The following SKA2 variants were observed in gnomAD, a reference collection of about 807,000 sequenced individuals.
SKA2 encodes the protein spindle and kinetochore associated complex subunit 2, also known as spindle and kinetochore-associated protein 2.
A neutral mutation model predicts 16.9 loss-of-function variants in SKA2; 13 were observed. That is an observed-to-expected ratio of 0.77 (90% confidence interval 0.50 to 1.22). The LOEUF is 1.22. Among genes scored for constraint, SKA2 ranks in the 50% most tolerant of loss-of-function variants. The pLI is 0.00. For missense variants in SKA2, 107 were observed against 139.7 expected, an observed-to-expected ratio of 0.77 and a Z score of 1.18; for synonymous variants, 47 against 48.5, an observed-to-expected ratio of 0.97 and a Z score of 0.13.
intron 1 of SKA2, among the ~76,000 whole-genome samples, chr17:59,135,087 G>A (rs1367088374): frequency 7.9e-5 from 12 of 151,872 alleles, no homozygotes; most frequent in African/African-American, 1.5e-4. Context: ...GGCCTGCCTC[G>A]GCCTCCCAAA....
intron 1 of SKA2, among the ~76,000 whole-genome samples, chr17:59,141,035 G>A (rs942131522): frequency 1.3e-5 from 2 of 151,532 alleles, no homozygotes; most frequent in East Asian, 3.9e-4. Flanking sequence ...GACTTTAAGC[G>A]ATCCTCCCGC....
At chr17:59,154,523 G>A (rs989590008) in intron 1 of SKA2, among the ~76,000 whole-genome samples, 1 of 152,212 alleles carries the variant, frequency 6.6e-6, no homozygotes, top group African/African-American at 2.4e-5. Flanking sequence ...GGAGCTCGTG[G>A]TTACGATCCC....
intron 3 of SKA2, among the ~76,000 whole-genome samples, chr17:59,112,857 T>C (rs1367918343): frequency 1.3e-5 from 2 of 152,068 alleles, no homozygotes; most frequent in Non-Finnish European, 2.9e-5. Context: ...GAATAAATGA[T>C]AAGGAAAAAA....
chr17:59,119,400 T>C lies in SKA2; in HGVS notation c.216A>G (p.Lys72=), dbSNP rs1421713125. ...ARFKPVAVEQ[K]ESKSRICATV... ...TAGCACAAATGCGGCTCTTACTCTC[T>C]TTCTGCTCAACAGCAACTGGTTTAA... The change falls in exon 3 of 4, where the codon AAA becomes AAG. Residue 72 remains lysine (K), a synonymous_variant. Coordinates refer to ENST00000330137, the MANE Select transcript of SKA2 (RefSeq NM_182620.4). 1 of 1,614,026 alleles carries C rather than the reference T, an allele frequency of 6.2e-7. No homozygotes were observed. Among genetic ancestry groups the C allele is most frequent in the Non-Finnish European group, 8.5e-7 (1 of 1,179,888 alleles).
At chr17:59,153,483 A>G (rs1218225622) in intron 1 of SKA2, among the ~76,000 whole-genome samples, 3 of 152,246 alleles carry the variant, frequency 2.0e-5, no homozygotes, top group African/African-American at 7.2e-5. Context: ...TGCTAAAAGT[A>G]ATTGAAAGCC....
chr17:59,145,914 C>T (rs945445247), intron 1 of SKA2, among the ~76,000 whole-genome samples: 3 of 150,684 alleles, frequency 2.0e-5, no homozygotes, highest in Admixed American at 6.6e-5. Flanking sequence ...CACTTGGGCC[C>T]GAGAGGTCAA....
At chr17:59,126,184 G>GAATA (rs56288903) in intron 2 of SKA2, among the ~76,000 whole-genome samples, 47,001 of 149,528 alleles carry the variant, frequency 0.31, 7,865 homozygotes, top group Middle Eastern at 0.48. Flanking sequence ...ATAAATAAAT[G>GAATA]AATAAATAAA....
At chr17:59,138,003 T>TC (rs150318377) in intron 1 of SKA2, 8,368 of 234,336 alleles carry the variant, frequency 0.036, 207 homozygotes, top group South Asian at 0.065. Context: ...CAAATCAGCC[T>TC]CCTGGAAGCC....
intron 3 of SKA2, 89 bp downstream of exon 3, chr17:59,119,230 T>C: frequency 7.0e-7 from 1 of 1,432,632 alleles, no homozygotes. Context: ...CTGCTGAGTT[T>C]CAAAATTTAA....
At chr17:59,115,800 A>G (rs2046292554) in intron 3 of SKA2, among the ~76,000 whole-genome samples, 1 of 152,148 alleles carries the variant, frequency 6.6e-6, no homozygotes, top group African/African-American at 2.4e-5. Context: ...GATCACTACA[A>G]AAGCTTTCAG....
chr17:59,111,942 T>A lies in SKA2; in HGVS notation c.*335A>T, dbSNP rs1372906678. On this transcript the variant is annotated 3_prime_UTR_variant, in exon 4 of 4. Coordinates refer to ENST00000330137, the MANE Select transcript of SKA2 (RefSeq NM_182620.4). ...TTCTTTTATGATAGACCAGAACATC[T>A]ATATTATCATGACTTAGAAAAAGAA... The A allele has an allele frequency of 4.5e-6, 1 of 222,622 alleles. No individual in the cohort carries two copies. The allele number at this position is 222,622 out of a possible 1,614,324, so 13.8% of individuals were successfully genotyped here.
rs530426731 is a variant in SKA2 at position 59,119,077 on chromosome 17, A to C, written c.297+242T>G. Among the ~76,000 whole-genome samples, 20 of 152,314 alleles carry C rather than the reference A, an allele frequency of 1.3e-4. No individual in the cohort carries two copies. In the South Asian group the frequency reaches 4.1e-3, roughly 32 times the overall value. On this transcript the variant is annotated intron_variant, in intron 3 of 3. Transcript: ENST00000330137. ...CTGCTAGATTTTATAAGTATTACCA[A>C]GTTTTCTGCCATGGTTACATAATTC...
rs1346532749 is a variant in SKA2 at position 59,119,739 on chromosome 17, T to C, written c.121-244A>G. Among the ~76,000 whole-genome samples the C allele has an allele frequency of 6.6e-5, 10 of 152,082 alleles. 1 individual carries two copies. The highest frequency in any genetic ancestry group is 4.1e-4 in the South Asian group (2 of 4,832). On this transcript the variant is annotated intron_variant, in intron 2 of 3. Coordinates refer to ENST00000330137, the MANE Select transcript of SKA2 (RefSeq NM_182620.4). Reference sequence around the variant, plus strand: ...AATAACCCACCAAAAAAATTAGCAATATTAAACAGCAAATAAGGGTCACCT... The same window carrying C: ...AATAACCCACCAAAAAAATTAGCAACATTAAACAGCAAATAAGGGTCACCT...
chr17:59,128,821 A>G (rs2046389520), intron 2 of SKA2, among the ~76,000 whole-genome samples: 1 of 152,026 alleles, frequency 6.6e-6, no homozygotes, highest in East Asian at 1.9e-4. Flanking sequence ...TTTCTTTCTG[A>G]GGTGATGAAA....
intron 1 of SKA2, among the ~76,000 whole-genome samples, chr17:59,146,013 CATA>C (rs1486240873): frequency 6.6e-6 from 1 of 150,900 alleles, no homozygotes; most frequent in African/African-American, 2.4e-5. Context: ...AAAGGAAACA[CATA>C]ATGAAACAAA....
intron 1 of SKA2, chr17:59,137,725 C>G: frequency 1.9e-6 from 1 of 517,166 alleles, no homozygotes; most frequent in Non-Finnish European, 3.9e-6. Flanking sequence ...CTAAAGATGA[C>G]TTTTGCTTGT....
intron 1 of SKA2, among the ~76,000 whole-genome samples, chr17:59,148,084 C>T (rs750698000): frequency 5.3e-5 from 8 of 152,050 alleles, no homozygotes; most frequent in Non-Finnish European, 1.2e-4. Flanking sequence ...AGGTAATCTG[C>T]CCGCTTCGGC....
chr17:59,154,506 C>A (rs2046605685), intron 1 of SKA2, among the ~76,000 whole-genome samples: 1 of 152,246 alleles, frequency 6.6e-6, no homozygotes, highest in South Asian at 2.1e-4. Context: ...GCCCGCGCTC[C>A]GGGAGCGGAG....
intron 1 of SKA2, among the ~76,000 whole-genome samples, chr17:59,150,141 A>G (rs1351352505): frequency 2.0e-5 from 3 of 152,174 alleles, no homozygotes; most frequent in Non-Finnish European, 4.4e-5. Context: ...CCTGTAGTCC[A>G]AGCTACTCAG....
Sources: allele counts gnomAD v4.1 joint callset (sites outside exome capture counted in the v4.1 genomes callset), GRCh38; gene constraint gnomAD v4.1.1; transcripts MANE v1.5; gene names NCBI Gene and HGNC (gene_info 2026-07-23, HGNC 2026-07-21).